The following MACROD2 variants were observed in gnomAD, a reference collection of about 807,000 sequenced individuals.
The protein encoded by MACROD2 is mono-ADP ribosylhydrolase 2.
In MACROD2, 36 loss-of-function variants were observed where a neutral mutation model predicts 70.4. That is an observed-to-expected ratio of 0.51 (90% confidence interval 0.39 to 0.68). MACROD2 has a LOEUF of 0.68. MACROD2 is among the 30% of genes least tolerant of loss of function. MACROD2 has a pLI of 0.00. For missense variants in MACROD2, 496 were observed against 538.4 expected, an observed-to-expected ratio of 0.92 and a Z score of 0.78; for synonymous variants, 172 against 178.8, an observed-to-expected ratio of 0.96 and a Z score of 0.30.
At chr20:15,472,315 ATCT>A (rs1453890207) in intron 7 of MACROD2, among the ~76,000 whole-genome samples, 1 of 151,912 alleles carries the variant, frequency 6.6e-6, no homozygotes, top group African/African-American at 2.4e-5. Context: ...TTCCTAGCTA[ATCT>A]TCTTCCTTTA....
rs531777264 is a variant in MACROD2, at chr20:15,816,034, G to A, written c.646-46711G>A. ...TCTCCGTCTCCCTCTGCGTGTGTGT[G>A]TTTGTGTGTGTGTATCTCTTTCTGT... On this transcript the variant is annotated intron_variant, in intron 8 of 17. Transcript: ENST00000684519. Among the ~76,000 whole-genome samples the A allele has an allele frequency of 2.6e-5, 4 of 152,072 alleles. No homozygotes were observed. The South Asian group carries it at 8.3e-4, about 32-fold the overall frequency.
intron 15 of MACROD2, among the ~76,000 whole-genome samples, chr20:15,995,831 G>T (rs2066623645): frequency 6.9e-6 from 1 of 145,934 alleles, no homozygotes; most frequent in Non-Finnish European, 1.5e-5. Flanking sequence ...ATATTCCATT[G>T]TATACATATT....
chr20:14,267,266 A>C (rs1986985290), intron 3 of MACROD2, among the ~76,000 whole-genome samples: 1 of 152,184 alleles, frequency 6.6e-6, no homozygotes, highest in Admixed American at 6.5e-5. Context: ...ACTTAATGAC[A>C]GCACAGGTTA....
chr20:14,447,446 A>G (rs184275081), intron 3 of MACROD2, among the ~76,000 whole-genome samples: 1 of 152,188 alleles, frequency 6.6e-6, no homozygotes, highest in African/African-American at 2.4e-5. Flanking sequence ...ATCTGCTGTT[A>G]TTTGCCACCT....
intron 6 of MACROD2, among the ~76,000 whole-genome samples, chr20:15,426,984 C>G (rs971518009): frequency 6.6e-6 from 1 of 151,654 alleles, no homozygotes; most frequent in Non-Finnish European, 1.5e-5. Context: ...TTCACTTGCT[C>G]TTTCTCAATC....
At chr20:15,407,152 C>CT (rs963872391) in intron 6 of MACROD2, among the ~76,000 whole-genome samples, 2 of 152,192 alleles carry the variant, frequency 1.3e-5, no homozygotes, top group African/African-American at 2.4e-5. Flanking sequence ...TACTACCCGG[C>CT]TTTTTCACTT....
intron 3 of MACROD2, among the ~76,000 whole-genome samples, chr20:14,363,499 A>G (rs2083242566): frequency 6.6e-6 from 1 of 152,202 alleles, no homozygotes; most frequent in Admixed American, 6.5e-5. Context: ...ATTCTCTTCA[A>G]TTCTCTTTTC....
At chr20:14,117,629 G>A (rs1252172148) in intron 3 of MACROD2, among the ~76,000 whole-genome samples, 1 of 152,026 alleles carries the variant, frequency 6.6e-6, no homozygotes, top group Non-Finnish European at 1.5e-5. Flanking sequence ...CTACTTTCAG[G>A]AATGGTATGT....
At chr20:14,183,617 A>G (rs1013876934) in intron 3 of MACROD2, among the ~76,000 whole-genome samples, 1 of 152,124 alleles carries the variant, frequency 6.6e-6, no homozygotes, top group Non-Finnish European at 1.5e-5. Flanking sequence ...ACAGTGGTTG[A>G]AGTAATTAAT....
chr20:14,352,515 G>A (rs2083133099), intron 3 of MACROD2: 1 of 152,068 alleles, frequency 6.6e-6, no homozygotes, highest in Non-Finnish European at 1.5e-5. Context: ...ATGGTTTATA[G>A]GGATGACACT....
intron 8 of MACROD2, among the ~76,000 whole-genome samples, chr20:15,587,262 T>C (rs2048615632): frequency 6.6e-6 from 1 of 152,164 alleles, no homozygotes; most frequent in Non-Finnish European, 1.5e-5. Flanking sequence ...CTCCCTATCA[T>C]GAGAATACCA....
At chr20:14,829,362 C>A (rs976215478) in intron 5 of MACROD2, among the ~76,000 whole-genome samples, 1 of 151,764 alleles carries the variant, frequency 6.6e-6, no homozygotes, top group African/African-American at 2.4e-5. Context: ...AATCTCCTGA[C>A]CTCGTGATCC....
intron 5 of MACROD2, among the ~76,000 whole-genome samples, chr20:15,147,058 C>T (rs149524074): frequency 1.0e-3 from 159 of 152,174 alleles, no homozygotes; most frequent in African/African-American, 2.7e-3. Flanking sequence ...GTAAATAAAT[C>T]GTAACTTAAT....
In MACROD2 at chr20:14,179,740, G is replaced by A. The variant is rs144220805; in HGVS notation, c.271+94012G>A. On this transcript the variant is annotated intron_variant, in intron 3 of 17. Coordinates refer to ENST00000684519, the MANE Select transcript of MACROD2 (RefSeq NM_001351661.2). ...ATGATATTTGTGCCAGAATTTGAAG[G>A]ATTTATTGTTCTTCAAGTGGTGGAA... 2.7e-3 allele frequency among the ~76,000 whole-genome samples: 418 copies of A among 152,194 alleles called. 2 individuals carry two copies. Among genetic ancestry groups the A allele is most frequent in the African/African-American group, 9.4e-3 (392 of 41,540 alleles).
intron 5 of MACROD2, among the ~76,000 whole-genome samples, chr20:15,015,430 G>A (rs1286924311): frequency 6.6e-6 from 1 of 150,404 alleles, no homozygotes; most frequent in Non-Finnish European, 1.5e-5. Context: ...CCAGAAGTCT[G>A]GTTGTTAATT....
At chr20:15,210,552 G>GTTTTTTTTTTTTTTTTTTTTTTTTT (rs11333280) in intron 5 of MACROD2, among the ~76,000 whole-genome samples, 1 of 121,650 alleles carries the variant, frequency 8.2e-6, no homozygotes. Flanking sequence ...CTTTTCTTCT[G>GTTTTTTTTTTTTTTTTTTTTTTTTT]TTTTTTTTTT....
chr20:15,523,125 C>T (rs532568416), intron 8 of MACROD2, among the ~76,000 whole-genome samples: 1 of 152,240 alleles, frequency 6.6e-6, no homozygotes, highest in South Asian at 2.1e-4. Flanking sequence ...CTATGGCAGT[C>T]TCTGACGAAG....
chr20:14,886,485 G>A (rs1233927822), intron 5 of MACROD2, among the ~76,000 whole-genome samples: 3 of 152,152 alleles, frequency 2.0e-5, no homozygotes, highest in Admixed American at 6.5e-5. Context: ...ACCTGCTCTG[G>A]TTTATCATTT....
chr20:14,636,504 C>T (rs1984794158), intron 4 of MACROD2: 1 of 151,958 alleles, frequency 6.6e-6, no homozygotes, highest in African/African-American at 2.4e-5. Flanking sequence ...CCAGAAGAAA[C>T]ACCTGCAATG....
Sources: gnomAD v4.1 joint callset for allele counts (sites outside exome capture counted in the v4.1 genomes callset) on GRCh38, gnomAD v4.1.1 for gene constraint, MANE v1.5 for transcripts, NCBI Gene and HGNC (gene_info 2026-07-23, HGNC 2026-07-21) for gene names.